ADK: variants seen among roughly 807,000 people sequenced by gnomAD.
ADK encodes the protein adenosine kinase, also known as N6,N6-dimethyladenosine kinase.
In ADK, 24 loss-of-function variants were observed where a neutral mutation model predicts 44.7. The ratio of observed to expected loss-of-function variants is 0.54; its 90% CI spans 0.39 to 0.76. The LOEUF (loss-of-function observed/expected upper bound fraction) is 0.76, where lower values mean the gene tolerates loss of function less well. ADK is among the 30% of genes least tolerant of loss of function. The probability of loss-of-function intolerance (pLI) is 0.00; values close to 1 mark genes in which losing one functional copy is unlikely to be tolerated. For missense variants in ADK, 321 were observed against 425.1 expected, an observed-to-expected ratio of 0.76 and a Z score of 2.15; for synonymous variants, 128 against 142.6, an observed-to-expected ratio of 0.90 and a Z score of 0.73.
intron 7 of ADK, among the ~76,000 whole-genome samples, chr10:74,574,099 C>T (rs949270926): frequency 3.9e-5 from 6 of 152,080 alleles, no homozygotes; most frequent in Non-Finnish European, 5.9e-5. Context: ...TTTTCTGCGT[C>T]GCTCACACTG....
chr10:74,171,810 C>CTGTGTGTG (rs144943440), intron 1 of ADK, among the ~76,000 whole-genome samples: 3 of 143,994 alleles, frequency 2.1e-5, no homozygotes, highest in African/African-American at 7.7e-5. Flanking sequence ...CTCTGTCTCT[C>CTGTGTGTG]TGTGTGTGTG....
intron 6 of ADK, among the ~76,000 whole-genome samples, chr10:74,450,733 C>T (rs1482374355): frequency 6.6e-6 from 1 of 152,044 alleles, no homozygotes; most frequent in Admixed American, 6.6e-5. Context: ...ATATTAATAG[C>T]TTTTCTGTAG....
intron 8 of ADK, among the ~76,000 whole-genome samples, chr10:74,594,478 AT>A (rs201163641): frequency 0.015 from 2,238 of 152,188 alleles, 39 homozygotes; most frequent in African/African-American, 0.041. Flanking sequence ...GATAGAACAT[AT>A]TTTTTTAAAA....
At chr10:74,412,932 C>T (rs528228412) in intron 6 of ADK, among the ~76,000 whole-genome samples, 1 of 152,228 alleles carries the variant, frequency 6.6e-6, no homozygotes, top group South Asian at 2.1e-4. Context: ...GTGGTGCACA[C>T]CTGTAATCCC....
intron 1 of ADK, chr10:74,176,505 G>A (rs1036591368): frequency 8.5e-7 from 1 of 1,181,454 alleles, no homozygotes; most frequent in South Asian, 2.3e-5. Context: ...TTTTTGGGGC[G>A]GGCACCCAAT....
intron 6 of ADK, among the ~76,000 whole-genome samples, chr10:74,417,642 G>A (rs1228429611): frequency 2.0e-5 from 3 of 151,718 alleles, no homozygotes; most frequent in Non-Finnish European, 4.4e-5. Flanking sequence ...GAGAACTAAA[G>A]CAAGGCATCA....
At chr10:74,267,307 A>G (rs542681644) in intron 3 of ADK, among the ~76,000 whole-genome samples, 3 of 152,212 alleles carry the variant, frequency 2.0e-5, no homozygotes, top group African/African-American at 7.2e-5. Context: ...AAAGTTGTGT[A>G]TATGGAGAGA....
intron 7 of ADK, among the ~76,000 whole-genome samples, chr10:74,568,798 T>C (rs1217376525): frequency 1.3e-5 from 2 of 151,936 alleles, no homozygotes; most frequent in Non-Finnish European, 2.9e-5. Flanking sequence ...TATTATACTT[T>C]AAGTTTTAGG....
chr10:74,491,234 C>T (rs991367775), intron 6 of ADK, among the ~76,000 whole-genome samples: 1 of 151,986 alleles, frequency 6.6e-6, no homozygotes, highest in African/African-American at 2.4e-5. Flanking sequence ...AATAAAGGAT[C>T]TTCACTTGGT....
intron 6 of ADK, among the ~76,000 whole-genome samples, chr10:74,430,290 T>C (rs1844937990): frequency 6.6e-6 from 1 of 152,216 alleles, no homozygotes; most frequent in Non-Finnish European, 1.5e-5. Flanking sequence ...ATAACCATCA[T>C]ATTGACACTG....
intron 4 of ADK, among the ~76,000 whole-genome samples, chr10:74,373,872 T>G (rs1284132852): frequency 4.6e-5 from 7 of 152,172 alleles, no homozygotes. Context: ...AGCCTAAACA[T>G]GGAAACAACC....
chr10:74,524,830 C>G (rs1848976587), intron 6 of ADK, among the ~76,000 whole-genome samples: 1 of 152,144 alleles, frequency 6.6e-6, no homozygotes, highest in African/African-American at 2.4e-5. Context: ...CCCAGGAGTT[C>G]AGGACCAGCC....
chr10:74,541,631 AC>A (rs1217089072), intron 7 of ADK, among the ~76,000 whole-genome samples: 8 of 152,012 alleles, frequency 5.3e-5, no homozygotes, highest in Non-Finnish European at 7.4e-5. Flanking sequence ...TGCTGTCTCT[AC>A]AAAAAGTAAA....
At chr10:74,476,447 G>A (rs923473369) in intron 6 of ADK, among the ~76,000 whole-genome samples, 59 of 151,366 alleles carry the variant, frequency 3.9e-4, no homozygotes, top group Admixed American at 1.3e-3. Flanking sequence ...AGTCAAGATC[G>A]TGCCACTGCA....
intron 6 of ADK, among the ~76,000 whole-genome samples, chr10:74,440,372 C>T (rs370608744): frequency 1.3e-5 from 2 of 152,202 alleles, no homozygotes. Flanking sequence ...GGCTGGAACT[C>T]AGGTCCTCTA....
Position 74,278,366 on chromosome 10 carries a change from TAAA to T in ADK, c.195-36283_195-36281del, listed in dbSNP as rs56769018. Among the ~76,000 whole-genome samples, 106 of 113,890 alleles carry T rather than the reference TAAA, an allele frequency of 9.3e-4. No individual in the cohort carries two copies. The East Asian group carries it at 9.5e-3, about 10-fold the overall frequency. The allele number at this position is 113,890 out of a possible 152,430, so 74.7% of individuals were successfully genotyped here. On this transcript the variant is annotated intron_variant, in intron 3 of 10. Transcript: ENST00000539909. ...GAGACCCCATCTCAAAAAAAAAAATTAAAAAAAAAAAAAAAAAAAACAACCCTA... is the reference window on the plus strand; with the variant it reads ...GAGACCCCATCTCAAAAAAAAAAATTAAAAAAAAAAAAAAAAACAACCCTA...
intron 10 of ADK, 72 bp downstream of exon 10, chr10:74,670,341 G>T: frequency 8.6e-7 from 1 of 1,158,224 alleles, no homozygotes; most frequent in Non-Finnish European, 1.3e-6. Flanking sequence ...ATATAACCAA[G>T]ATTTATTCAT....
intron 10 of ADK, among the ~76,000 whole-genome samples, chr10:74,679,932 T>C (rs1371511148): frequency 6.6e-6 from 1 of 151,948 alleles, no homozygotes; most frequent in African/African-American, 2.4e-5. Flanking sequence ...CACTCTAGCC[T>C]GGGCGACACA....
chr10:74,222,975 A>C (rs1318590368), intron 2 of ADK, among the ~76,000 whole-genome samples: 3 of 152,228 alleles, frequency 2.0e-5, no homozygotes, highest in Non-Finnish European at 4.4e-5. Context: ...ACTAACCTGC[A>C]CAATGTGCAC....
Sources: gnomAD v4.1 joint callset for allele counts (sites outside exome capture counted in the v4.1 genomes callset) on GRCh38, gnomAD v4.1.1 for gene constraint, MANE v1.5 for transcripts, NCBI Gene and HGNC (gene_info 2026-07-23, HGNC 2026-07-21) for gene names.